OR10J1: variants seen among roughly 807,000 people sequenced by gnomAD.
The protein encoded by OR10J1 is olfactory receptor 10J1.
For missense variants in OR10J1, 474 were observed against 376.6 expected, an observed-to-expected ratio of 1.26 and a Z score of -2.14; for synonymous variants, 202 against 143.8, an observed-to-expected ratio of 1.40 and a Z score of -2.89.
At chr1:159,420,723 A>G in the OR10J1 span, among the ~76,000 whole-genome samples, 1 of 151,932 alleles carries the variant, frequency 6.6e-6, no homozygotes, top group Non-Finnish European at 1.5e-5. Flanking sequence ...AATACATCAT[A>G]CTATTATCTC....
chr1:159,411,640 G>C, the OR10J1 span, among the ~76,000 whole-genome samples: 1 of 152,026 alleles, frequency 6.6e-6, no homozygotes, highest in Middle Eastern at 3.2e-3. Context: ...GATGAGTCTT[G>C]ACTCTTTATC....
chr1:159,431,380 C>A, the OR10J1 span, among the ~76,000 whole-genome samples: 12 of 152,330 alleles, frequency 7.9e-5, no homozygotes, highest in East Asian at 2.3e-3. Flanking sequence ...ACTCCAGAGT[C>A]CTGGGACACA....
the OR10J1 span, among the ~76,000 whole-genome samples, chr1:159,403,384 C>G: frequency 6.6e-6 from 1 of 151,738 alleles, no homozygotes; most frequent in Admixed American, 6.6e-5. Context: ...GATTAATAAA[C>G]CAAATGTGTA....
Position 159,440,818 on chromosome 1 carries a change from C to T in OR10J1, c.*97C>T, listed in dbSNP as rs1323622475. On this transcript the variant is annotated 3_prime_UTR_variant, in exon 1 of 1. Transcript: ENST00000423932. Reference sequence around the variant, plus strand: ...ACACTTGGCTCCTAGAGACCTGCCCCTTAAATAAGAGGCAAAAGAGGAATA... The same window carrying T: ...ACACTTGGCTCCTAGAGACCTGCCCTTTAAATAAGAGGCAAAAGAGGAATA... 1 of 1,327,366 alleles carries T rather than the reference C, an allele frequency of 7.5e-7. No individual in the cohort carries two copies. The highest frequency in any genetic ancestry group is 1.0e-6 in the Non-Finnish European group (1 of 977,562). The allele number at this position is 1,327,366 out of a possible 1,614,324, so 82.2% of individuals were successfully genotyped here. A position where few individuals can be genotyped will look rare whatever the true frequency, so the allele number is the denominator to read the frequency against.
At chr1:159,407,748 G>A in the OR10J1 span, among the ~76,000 whole-genome samples, 2 of 152,056 alleles carry the variant, frequency 1.3e-5, no homozygotes, top group Admixed American at 6.6e-5. Context: ...CCAAAGAAGA[G>A]CATTACTTAA....
At chr1:159,401,727 T>C in the OR10J1 span, among the ~76,000 whole-genome samples, 1 of 151,904 alleles carries the variant, frequency 6.6e-6, no homozygotes, top group Non-Finnish European at 1.5e-5. Context: ...GAGGAAGGAA[T>C]ACGTCAAACT....
At chr1:159,432,840 T>C in the OR10J1 span, 1,815 of 408,260 alleles carry the variant, frequency 4.4e-3, 8 homozygotes, top group Non-Finnish European at 6.2e-3. Context: ...CTGCCCATGG[T>C]ATTGATCTTC....
the OR10J1 span, among the ~76,000 whole-genome samples, chr1:159,398,598 G>A: frequency 6.6e-6 from 1 of 152,096 alleles, no homozygotes; most frequent in Non-Finnish European, 1.5e-5. Flanking sequence ...TTCCAGTGCT[G>A]AAAAATGCAA....
chr1:159,414,526 A>C, the OR10J1 span, among the ~76,000 whole-genome samples: 1 of 152,124 alleles, frequency 6.6e-6, no homozygotes, highest in Non-Finnish European at 1.5e-5. Context: ...TATCTTAGCT[A>C]TTTTGAAGAG....
the OR10J1 span, among the ~76,000 whole-genome samples, chr1:159,422,493 G>A: frequency 6.6e-6 from 1 of 152,206 alleles, no homozygotes; most frequent in Non-Finnish European, 1.5e-5. Flanking sequence ...CCCTCCGCAG[G>A]TGAGATGCAG....
chr1:159,406,510 G>C, the OR10J1 span: 1 of 218,640 alleles, frequency 4.6e-6, no homozygotes, highest in Non-Finnish European at 9.2e-6. Flanking sequence ...GGTTATCTTT[G>C]TTCCTCTACT....
At chr1:159,402,774 T>C in the OR10J1 span, among the ~76,000 whole-genome samples, 1 of 152,114 alleles carries the variant, frequency 6.6e-6, no homozygotes. Context: ...AAAATTTATA[T>C]GGAATCACAA....
chr1:159,413,946 G>GT, the OR10J1 span, among the ~76,000 whole-genome samples: 5 of 151,698 alleles, frequency 3.3e-5, no homozygotes, highest in African/African-American at 1.2e-4. Context: ...TATTTAATGG[G>GT]TTTTTTAGGT....
chr1:159,436,295 A>G (rs1007817964), upstream of OR10J1, among the ~76,000 whole-genome samples: 1 of 152,268 alleles, frequency 6.6e-6, no homozygotes, highest in South Asian at 2.1e-4. Flanking sequence ...GAAGCTATGT[A>G]TATTTGTAAA....
chr1:159,438,609 T>C (rs1379403849), upstream of OR10J1, among the ~76,000 whole-genome samples: 1 of 152,248 alleles, frequency 6.6e-6, no homozygotes, highest in African/African-American at 2.4e-5. Context: ...CTTTTTAGCA[T>C]TCTTAGTGTA....
upstream of OR10J1, among the ~76,000 whole-genome samples, chr1:159,434,663 G>A (rs78254437): frequency 3.4e-3 from 516 of 152,230 alleles, 5 homozygotes; most frequent in African/African-American, 0.012. Flanking sequence ...TCATAGATCT[G>A]CCATTACAAG....
At chr1:159,435,518 A>G (rs1162099130), upstream of OR10J1, among the ~76,000 whole-genome samples, 5 of 152,200 alleles carry the variant, frequency 3.3e-5, no homozygotes, top group Non-Finnish European at 7.4e-5. Flanking sequence ...AATATTATCA[A>G]TTTGGAGATT....
chr1:159,410,998 G>A, the OR10J1 span, among the ~76,000 whole-genome samples: 1 of 152,154 alleles, frequency 6.6e-6, no homozygotes, highest in Non-Finnish European at 1.5e-5. Flanking sequence ...TTCCCATGTA[G>A]TTGAGCGGTT....
chr1:159,437,495 A>C (rs1400370526), upstream of OR10J1, among the ~76,000 whole-genome samples: 1 of 152,202 alleles, frequency 6.6e-6, no homozygotes, highest in Non-Finnish European at 1.5e-5. Context: ...AAAAATAAAA[A>C]ATAAAAAATA....
Sources: allele counts gnomAD v4.1 joint callset (sites outside exome capture counted in the v4.1 genomes callset), GRCh38; gene constraint gnomAD v4.1.1; transcripts MANE v1.5; gene names NCBI Gene and HGNC (gene_info 2026-07-23, HGNC 2026-07-21).